The following SUGCT variants were observed in gnomAD, a reference collection of about 807,000 sequenced individuals.
SUGCT encodes the protein succinyl-CoA:glutarate CoA-transferase.
SUGCT carries 41 observed loss-of-function variants against 55.0 expected under a neutral mutation model. That is an observed-to-expected ratio of 0.74 (90% confidence interval 0.58 to 0.97). The LOEUF (loss-of-function observed/expected upper bound fraction) is 0.97. Among genes scored for constraint, SUGCT ranks in the 50% least tolerant of loss-of-function variants. The pLI is 0.00. For missense variants in SUGCT, 568 were observed against 547.8 expected (o/e 1.04, Z -0.37); for synonymous variants, 187 against 200.4 (o/e 0.93, Z 0.56).
At chr7:41,034,124 A>G in the SUGCT span, among the ~76,000 whole-genome samples, 1 of 152,306 alleles carries the variant, frequency 6.6e-6, no homozygotes, top group South Asian at 2.1e-4. Context: ...TGAAACCAAT[A>G]CAATGCAATA....
intron 13 of SUGCT, among the ~76,000 whole-genome samples, chr7:40,808,960 G>C (rs4720376): frequency 6.6e-6 from 1 of 152,116 alleles, no homozygotes; most frequent in Non-Finnish European, 1.5e-5. Context: ...TGTACCTAAC[G>C]AACTGTGGAC....
At chr7:40,250,759 C>T (rs1790315469) in intron 7 of SUGCT, among the ~76,000 whole-genome samples, 1 of 149,104 alleles carries the variant, frequency 6.7e-6, no homozygotes, top group African/African-American at 2.5e-5. Context: ...GTAATCATTA[C>T]TAAAAGATCC....
intron 8 of SUGCT, among the ~76,000 whole-genome samples, chr7:40,286,337 C>T (rs1443002978): frequency 6.6e-6 from 1 of 152,152 alleles, no homozygotes. Context: ...GAGCCCGCCA[C>T]AGGACTAGCC....
chr7:40,727,210 C>A (rs1314208130), intron 12 of SUGCT, among the ~76,000 whole-genome samples: 2 of 152,130 alleles, frequency 1.3e-5, no homozygotes, highest in Admixed American at 6.5e-5. Flanking sequence ...ACAAAGGTGT[C>A]ATGATTTGTT....
chr7:40,477,169 GATTTTATTATC>G (rs1790742510), intron 11 of SUGCT, among the ~76,000 whole-genome samples: 2 of 151,998 alleles, frequency 1.3e-5, no homozygotes, highest in South Asian at 4.2e-4. Context: ...AATTTTATTG[GATTTTATTATC>G]ATATTATACA....
At chr7:40,902,720 A>C in the SUGCT span, among the ~76,000 whole-genome samples, 1 of 152,182 alleles carries the variant, frequency 6.6e-6, no homozygotes, top group Non-Finnish European at 1.5e-5. Flanking sequence ...CATATTTTCA[A>C]CATGATTTTC....
At chr7:40,528,692 A>C (rs1019228613) in intron 12 of SUGCT, among the ~76,000 whole-genome samples, 1 of 152,234 alleles carries the variant, frequency 6.6e-6, no homozygotes, top group African/African-American at 2.4e-5. Context: ...TTTGATGTGG[A>C]TATTTCAAGA....
intron 12 of SUGCT, among the ~76,000 whole-genome samples, chr7:40,613,555 CT>C (rs553299939): frequency 2.0e-5 from 3 of 152,018 alleles, no homozygotes; most frequent in Admixed American, 6.5e-5. Flanking sequence ...ATGGTGTAGT[CT>C]TCTTGCAACA....
chr7:40,437,416 G>C (rs1395451634), intron 9 of SUGCT, among the ~76,000 whole-genome samples: 1 of 152,120 alleles, frequency 6.6e-6, no homozygotes, highest in African/African-American at 2.4e-5. Context: ...GGTTACTCTA[G>C]AATTACCTAA....
the SUGCT span, among the ~76,000 whole-genome samples, chr7:40,943,158 T>G: frequency 4.6e-5 from 7 of 152,000 alleles, no homozygotes; most frequent in Middle Eastern, 3.4e-3. Flanking sequence ...CCAGAATTAT[T>G]TTTCTGGTTC....
the SUGCT span, among the ~76,000 whole-genome samples, chr7:41,011,814 C>T: frequency 6.6e-6 from 1 of 152,290 alleles, no homozygotes; most frequent in African/African-American, 2.4e-5. Context: ...CACAGGTATA[C>T]ATTTTTGTAT....
intron 8 of SUGCT, among the ~76,000 whole-genome samples, chr7:40,292,849 C>T (rs1189174645): frequency 6.6e-6 from 1 of 152,122 alleles, no homozygotes; most frequent in Non-Finnish European, 1.5e-5. Context: ...CTTGAGATAT[C>T]AGCTCAATGA....
Position 40,339,623 on chromosome 7 carries a change from G to A in SUGCT, c.816+22768G>A, listed in dbSNP as rs558342256. 8.5e-5 allele frequency among the ~76,000 whole-genome samples: 13 copies of A among 152,310 alleles called. No individual in the cohort carries two copies. In the South Asian group the frequency reaches 1.2e-3, roughly 15 times the overall value. On this transcript the variant is annotated intron_variant, in intron 9 of 13. Coordinates refer to ENST00000335693, the MANE Select transcript of SUGCT (RefSeq NM_001193313.2). The stretch of plus-strand genomic sequence containing the variant: ...TGCAGTATTAGGGTGGGAGTGACCC[G>A]ATTTTCCAGGTGCCATCTGTCACAG...
At position 40,363,406 on chromosome 7, in the gene SUGCT, C is replaced by G. The variant is rs187841458; in HGVS notation, c.816+46551C>G. 5.4e-4 allele frequency among the ~76,000 whole-genome samples: 82 copies of G among 152,022 alleles called. No homozygotes were observed. In the East Asian group the frequency reaches 0.014, roughly 25 times the overall value. Reference sequence around the variant, plus strand: ...TCTAGTTCTTTTAATTGTGATGTTACGGTGTCAATTTTGGATCTTTCCTGC... The same window carrying G: ...TCTAGTTCTTTTAATTGTGATGTTAGGGTGTCAATTTTGGATCTTTCCTGC... On this transcript the variant is annotated intron_variant, in intron 9 of 13. Coordinates refer to ENST00000335693, the MANE Select transcript of SUGCT (RefSeq NM_001193313.2).
chr7:40,954,895 A>T, the SUGCT span, among the ~76,000 whole-genome samples: 1 of 152,206 alleles, frequency 6.6e-6, no homozygotes, highest in African/African-American at 2.4e-5. Context: ...TAAATAGGGA[A>T]TCCTCTCCCC....
chr7:40,954,221 G>A, the SUGCT span, among the ~76,000 whole-genome samples: 2 of 152,204 alleles, frequency 1.3e-5, no homozygotes, highest in African/African-American at 4.8e-5. Flanking sequence ...AGCAATGAGC[G>A]AGGCTCTGTG....
chr7:40,368,814 C>T (rs956556731), intron 9 of SUGCT, among the ~76,000 whole-genome samples: 17 of 151,976 alleles, frequency 1.1e-4, no homozygotes, highest in African/African-American at 4.1e-4. Flanking sequence ...CATTCAACTA[C>T]AACTTTTGGC....
chr7:40,212,958 G>A (rs115493731), intron 6 of SUGCT, among the ~76,000 whole-genome samples: 3,598 of 152,120 alleles, frequency 0.024, 134 homozygotes, highest in African/African-American at 0.083. Flanking sequence ...TGAGAACGTC[G>A]TATCATATAT....
intron 9 of SUGCT, among the ~76,000 whole-genome samples, chr7:40,409,848 T>C (rs926544251): frequency 1.3e-5 from 2 of 152,142 alleles, no homozygotes; most frequent in African/African-American, 4.8e-5. Context: ...TGATTGGCAT[T>C]GATTTAAATA....
Sources: allele counts gnomAD v4.1 joint callset (sites outside exome capture counted in the v4.1 genomes callset), GRCh38; gene constraint gnomAD v4.1.1; transcripts MANE v1.5; gene names NCBI Gene and HGNC (gene_info 2026-07-23, HGNC 2026-07-21).